SYNPO2: variants seen among roughly 807,000 people sequenced by gnomAD.
The protein encoded by SYNPO2 is synaptopodin 2.
SYNPO2 carries 56 observed loss-of-function variants against 85.0 expected under a neutral mutation model. The observed-to-expected ratio is 0.66, with a 90% CI of 0.53 to 0.82. The LOEUF is 0.82. Among genes scored for constraint, SYNPO2 ranks in the 40% least tolerant of loss-of-function variants. The probability of loss-of-function intolerance (pLI) is 0.00; values close to 1 mark genes in which losing one functional copy is unlikely to be tolerated. For missense variants in SYNPO2, 1,575 were observed against 1,534.2 expected (o/e 1.03, Z -0.44); for synonymous variants, 602 against 591.1 (o/e 1.02, Z -0.27).
chr4:118,961,100 C>CCCG (rs1553941443), intron 1 of SYNPO2, among the ~76,000 whole-genome samples: 1 of 20,028 alleles, frequency 5.0e-5, no homozygotes, highest in Non-Finnish European at 9.2e-5. Context: ...TATTTTACCG[C>CCCG]CCCCCCCCCA....
intron 1 of SYNPO2, among the ~76,000 whole-genome samples, chr4:118,948,064 T>TA (rs548986406): frequency 2.2e-4 from 33 of 152,024 alleles, no homozygotes; most frequent in Non-Finnish European, 2.8e-4. Context: ...AGTAAAAGAA[T>TA]AAAAAAAACA....
chr4:118,932,886 G>C (rs1733979057), intron 1 of SYNPO2, among the ~76,000 whole-genome samples: 1 of 152,124 alleles, frequency 6.6e-6, no homozygotes, highest in Non-Finnish European at 1.5e-5. Context: ...CTCTGTAGCT[G>C]TATGAATCTT....
At chr4:118,916,917 T>C (rs1365377613) in intron 1 of SYNPO2, among the ~76,000 whole-genome samples, 1 of 152,046 alleles carries the variant, frequency 6.6e-6, no homozygotes, top group East Asian at 1.9e-4. Flanking sequence ...TTATTTTTAG[T>C]AGAGACAGAG....
intron 1 of SYNPO2, among the ~76,000 whole-genome samples, chr4:118,954,454 G>GGGA (rs1734801589): frequency 6.6e-6 from 1 of 152,160 alleles, no homozygotes; most frequent in Non-Finnish European, 1.5e-5. Context: ...TAGGGACTAT[G>GGGA]TAGGTCTCAA....
chr4:119,005,143 G>C (rs562148323), intron 1 of SYNPO2, among the ~76,000 whole-genome samples: 1 of 152,146 alleles, frequency 6.6e-6, no homozygotes, highest in Non-Finnish European at 1.5e-5. Flanking sequence ...TGTCAGATGA[G>C]TAGATTGCGA....
At chr4:118,926,935 C>G (rs760685837) in intron 1 of SYNPO2, among the ~76,000 whole-genome samples, 1 of 152,156 alleles carries the variant, frequency 6.6e-6, no homozygotes, top group African/African-American at 2.4e-5. Context: ...CGGGATGCCA[C>G]TTGGTTAACG....
intron 1 of SYNPO2, among the ~76,000 whole-genome samples, chr4:119,010,688 G>A (rs1737262982): frequency 6.6e-6 from 1 of 152,118 alleles, no homozygotes; most frequent in Non-Finnish European, 1.5e-5. Flanking sequence ...ATCATGTTGG[G>A]TTGTAATTAT....
intron 4 of SYNPO2, chr4:119,038,447 G>A (rs953430227): frequency 1.0e-6 from 1 of 985,250 alleles, no homozygotes. Flanking sequence ...AGAATGAATA[G>A]TGTTGTTCGT....
intron 4 of SYNPO2, chr4:119,034,905 T>C: frequency 1.0e-6 from 1 of 985,532 alleles, no homozygotes; most frequent in Non-Finnish European, 1.2e-6. Flanking sequence ...TGTGTTGGTA[T>C]TAGCTTGATT....
At chr4:118,920,472 G>A (rs1380706187) in intron 1 of SYNPO2, among the ~76,000 whole-genome samples, 1 of 152,102 alleles carries the variant, frequency 6.6e-6, no homozygotes. Context: ...GCACGTATTA[G>A]AGTAAATACA....
At chr4:118,909,402 G>T (rs1733057905) in intron 1 of SYNPO2, among the ~76,000 whole-genome samples, 1 of 152,156 alleles carries the variant, frequency 6.6e-6, no homozygotes, top group African/African-American at 2.4e-5. Context: ...GTGTGGGAGA[G>T]GGGAGAGCAT....
intron 1 of SYNPO2, among the ~76,000 whole-genome samples, chr4:118,851,326 A>G (rs1731416512): frequency 6.6e-6 from 1 of 152,200 alleles, no homozygotes; most frequent in African/African-American, 2.4e-5. Context: ...CGTCTCTACT[A>G]AAAATACAAA....
At chr4:118,955,251 G>A (rs780224015) in intron 1 of SYNPO2, among the ~76,000 whole-genome samples, 15 of 151,972 alleles carry the variant, frequency 9.9e-5, no homozygotes, top group Non-Finnish European at 8.8e-5. Context: ...CCACCCTCCT[G>A]GGCCTCCCAA....
At chr4:118,968,527 G>C (rs988557574) in intron 1 of SYNPO2, among the ~76,000 whole-genome samples, 4 of 152,186 alleles carry the variant, frequency 2.6e-5, no homozygotes, top group African/African-American at 4.8e-5. Context: ...AAAGGTCACA[G>C]CTAAGAAAGC....
chr4:118,902,205 G>A (rs1401199445), intron 1 of SYNPO2, among the ~76,000 whole-genome samples: 5 of 152,130 alleles, frequency 3.3e-5, no homozygotes, highest in Non-Finnish European at 7.4e-5. Flanking sequence ...GAACAACTTT[G>A]CAATGTGGTC....
At chr4:118,942,208 T>A (rs1005748987) in intron 1 of SYNPO2, among the ~76,000 whole-genome samples, 7 of 152,156 alleles carry the variant, frequency 4.6e-5, no homozygotes, top group Non-Finnish European at 2.9e-5. Flanking sequence ...AAATACAGAA[T>A]ATAAAAAACA....
chr4:118,966,890 C>T (rs1224882845), intron 1 of SYNPO2, among the ~76,000 whole-genome samples: 1 of 152,110 alleles, frequency 6.6e-6, no homozygotes, highest in African/African-American at 2.4e-5. Context: ...CAGGTCCTTC[C>T]TTACAAAGCT....
intron 1 of SYNPO2, among the ~76,000 whole-genome samples, chr4:119,013,055 A>G (rs1162078005): frequency 1.3e-5 from 2 of 152,140 alleles, no homozygotes; most frequent in African/African-American, 4.8e-5. Context: ...TCTCTGAGAT[A>G]CTTTCAGGCC....
At chr4:118,913,266 T>A (rs985267736) in intron 1 of SYNPO2, among the ~76,000 whole-genome samples, 10 of 152,158 alleles carry the variant, frequency 6.6e-5, no homozygotes, top group Non-Finnish European at 1.5e-4. Context: ...CATAGTATCA[T>A]CAGGGAGCAA....
Sources: gnomAD v4.1 joint callset for allele counts (sites outside exome capture counted in the v4.1 genomes callset) on GRCh38, gnomAD v4.1.1 for gene constraint, MANE v1.5 for transcripts, NCBI Gene and HGNC (gene_info 2026-07-23, HGNC 2026-07-21) for gene names.